Variants in ZFYVE16 observed in about 807,000 individuals in gnomAD.
ZFYVE16 encodes the protein zinc finger FYVE-type containing 16.
In ZFYVE16, 89 loss-of-function variants were observed where a neutral mutation model predicts 138.1. The ratio of observed to expected loss-of-function variants is 0.64; its 90% CI spans 0.54 to 0.77. The LOEUF (loss-of-function observed/expected upper bound fraction) is 0.77. ZFYVE16 is among the 30% of genes least tolerant of loss of function. The pLI is 0.00. For missense variants in ZFYVE16, 1,793 were observed against 1,786.7 expected (o/e 1.00, Z -0.06); for synonymous variants, 596 against 618.3 (o/e 0.96, Z 0.53).
Position 80,478,833 on chromosome 5 carries a change from C to G in ZFYVE16, c.*1456C>G, listed in dbSNP as rs925097489. On this transcript the variant is annotated 3_prime_UTR_variant, in exon 19 of 19. Coordinates refer to ENST00000505560, the MANE Select transcript of ZFYVE16 (RefSeq NM_001284236.3). The stretch of plus-strand genomic sequence containing the variant: ...AAGACAATTTGGAGGAGAATATCAG[C>G]CTTCTGGAAGTAGCTACTTCCTGAA... The G allele has an allele frequency of 3.9e-5, 6 of 152,010 alleles. No individual in the cohort carries two copies. Among genetic ancestry groups the G allele is most frequent in the Non-Finnish European group, 2.9e-5 (2 of 67,970 alleles). The allele number at this position is 152,010 out of a possible 1,614,324, so 9.4% of individuals were successfully genotyped here. A position where few individuals can be genotyped will look rare whatever the true frequency, so the allele number is the denominator to read the frequency against.
chr5:80,459,970 T>G (rs948376900), intron 15 of ZFYVE16, among the ~76,000 whole-genome samples: 2 of 152,134 alleles, frequency 1.3e-5, no homozygotes, highest in African/African-American at 4.8e-5. Context: ...GTTGTATCTA[T>G]TCTAAGAATA....
At chr5:80,444,839 C>T (rs1751120476) in intron 6 of ZFYVE16, among the ~76,000 whole-genome samples, 1 of 151,672 alleles carries the variant, frequency 6.6e-6, no homozygotes, top group Non-Finnish European at 1.5e-5. Context: ...GTACTTTAGT[C>T]CCTAAATTTT....
At position 80,477,413 on chromosome 5, in the gene ZFYVE16, T is replaced by C. The variant is rs769028775; in HGVS notation, c.*36T>C. The C allele has an allele frequency of 1.3e-6, 2 of 1,577,968 alleles. No individual in the cohort carries two copies. The highest frequency in any genetic ancestry group is 1.7e-6 in the Non-Finnish European group (2 of 1,167,112). On this transcript the variant is annotated 3_prime_UTR_variant, in exon 19 of 19. Transcript: ENST00000505560. ...TGCCATATTACATATTGCAACCTAA[T>C]TTGTTAAAACTAACTCCAGCACTAA...
At chr5:80,422,081 G>T (rs1173897751) in intron 1 of ZFYVE16, among the ~76,000 whole-genome samples, 1 of 152,162 alleles carries the variant, frequency 6.6e-6, no homozygotes, top group Non-Finnish European at 1.5e-5. Flanking sequence ...GTTCACTCAT[G>T]ATTTGGCTCT....
intron 1 of ZFYVE16, among the ~76,000 whole-genome samples, chr5:80,413,716 A>G (rs1426319682): frequency 6.6e-6 from 1 of 152,328 alleles, no homozygotes; most frequent in Non-Finnish European, 1.5e-5. Context: ...GCCTTAGGGC[A>G]TTAAAGATTA....
chr5:80,442,539 T>G (rs1422991720), intron 5 of ZFYVE16, among the ~76,000 whole-genome samples: 1 of 152,090 alleles, frequency 6.6e-6, no homozygotes, highest in African/African-American at 2.4e-5. Flanking sequence ...AAGGGAATAA[T>G]AGGAGCAAAG....
intron 15 of ZFYVE16, among the ~76,000 whole-genome samples, chr5:80,465,420 T>TTTTTG: frequency 7.5e-6 from 1 of 133,198 alleles, no homozygotes. Context: ...TTTTTTTTTT[T>TTTTTG]TTTTGAGACA....
At chr5:80,459,379 G>T in intron 14 of ZFYVE16, 35 bp from the exon 15 acceptor site, 6 of 1,592,514 alleles carry the variant, frequency 3.8e-6, no homozygotes, top group Non-Finnish European at 5.2e-6. Context: ...AAAATGAGCA[G>T]TTTAAAACAA....
At chr5:80,459,778 G>A (rs1752915859) in intron 15 of ZFYVE16, among the ~76,000 whole-genome samples, 1 of 152,036 alleles carries the variant, frequency 6.6e-6, no homozygotes, top group South Asian at 2.1e-4. Flanking sequence ...GCTTATTTAG[G>A]AGATAAATAA....
intron 1 of ZFYVE16, among the ~76,000 whole-genome samples, chr5:80,426,278 A>G (rs111763614): frequency 0.059 from 1,082 of 18,448 alleles, 13 homozygotes; most frequent in African/African-American, 0.078. Flanking sequence ...GTGTGTATAT[A>G]TATATATATA....
chr5:80,417,341 A>G (rs955261929), intron 1 of ZFYVE16, among the ~76,000 whole-genome samples: 2 of 152,208 alleles, frequency 1.3e-5, no homozygotes, highest in Admixed American at 6.5e-5. Flanking sequence ...CGCAGTCTGC[A>G]TGCCAATCTA....
chr5:80,469,392 C>A (rs1171042847), intron 15 of ZFYVE16, among the ~76,000 whole-genome samples: 3 of 151,782 alleles, frequency 2.0e-5, no homozygotes, highest in Non-Finnish European at 4.4e-5. Flanking sequence ...AAGCACATGC[C>A]ACCATGCTTG....
rs777392872 is a variant in ZFYVE16 at position 80,438,696 on chromosome 5, C to G, written c.2011C>G (p.Pro671Ala). 11 of 1,614,062 alleles carry G rather than the reference C, an allele frequency of 6.8e-6. No individual in the cohort carries two copies. The highest frequency in any genetic ancestry group is 9.3e-6 in the Non-Finnish European group (11 of 1,179,964). The change falls in exon 4 of 19, where the codon CCA becomes GCA. Residue 671 changes from proline (P) to alanine (A), a missense_variant. By Grantham distance (27) the Pro-to-Ala change is conservative. Transcript: ENST00000505560. ...SSKDLNKPDV[P>A]DTIESEPSTA... is the part of the protein sequence containing the mutation. ...AAAGGACCTGAATAAGCCAGATGTT[C>G]CAGATACAATAGAAAGTGAACCCAG...
At chr5:80,449,325 G>A (rs1002434167) in intron 8 of ZFYVE16, among the ~76,000 whole-genome samples, 43 of 152,114 alleles carry the variant, frequency 2.8e-4, no homozygotes, top group Admixed American at 2.0e-3. Context: ...AACTTTGAAG[G>A]TGCTAAAATT....
chr5:80,449,629 A>G lies in ZFYVE16; in HGVS notation c.3142A>G (p.Ile1048Val). The change falls in exon 9 of 19, where the codon ATT becomes GTT. Residue 1048 changes from isoleucine (I) to valine (V), a missense_variant. Physicochemically the swap from Ile to Val is conservative, Grantham distance 29. Coordinates refer to ENST00000505560, the MANE Select transcript of ZFYVE16 (RefSeq NM_001284236.3). ...AGAACATCCATCTCATGAGCAGATCATTTTGCTTCTTGAAGGTGAAAGCTT... is the reference window on the plus strand; with the variant it reads ...AGAACATCCATCTCATGAGCAGATCGTTTTGCTTCTTGAAGGTGAAAGCTT... ...VEEHPSHEQI[I>V]LLLEGESFHP... 2 of 1,611,266 alleles carry G rather than the reference A, an allele frequency of 1.2e-6. No homozygotes were observed.
chr5:80,441,406 A>G (rs757980497), intron 5 of ZFYVE16: 37 of 985,278 alleles, frequency 3.8e-5, no homozygotes, highest in Non-Finnish European at 4.1e-5. Flanking sequence ...TATCTGTTCA[A>G]ATTCTATTTT....
intron 12 of ZFYVE16, 125 bp from the exon 13 acceptor site, chr5:80,456,336 C>T: frequency 1.4e-6 from 1 of 735,354 alleles, no homozygotes; most frequent in Non-Finnish European, 2.2e-6. Context: ...CTAAATACTA[C>T]AAAGTTTTTC....
At chr5:80,428,031 C>T (rs1009795684) in intron 2 of ZFYVE16, among the ~76,000 whole-genome samples, 1 of 146,630 alleles carries the variant, frequency 6.8e-6, no homozygotes, top group African/African-American at 2.5e-5. Flanking sequence ...AGGAACAGCT[C>T]CAGTCTACAG....
At chr5:80,411,444 A>C (rs536997749) in intron 1 of ZFYVE16, among the ~76,000 whole-genome samples, 33 of 152,288 alleles carry the variant, frequency 2.2e-4, no homozygotes, top group African/African-American at 6.7e-4. Context: ...TTTACAACTT[A>C]TTTGTAAAAA....
Sources: allele counts gnomAD v4.1 joint callset (sites outside exome capture counted in the v4.1 genomes callset), GRCh38; gene constraint gnomAD v4.1.1; transcripts MANE v1.5; gene names NCBI Gene and HGNC (gene_info 2026-07-23, HGNC 2026-07-21).